SLC35D4: variants seen among roughly 807,000 people sequenced by gnomAD.
SLC35D4 encodes UDP-N-acetylglucosamine transporter SLC35D4.
At chr18:23,382,015 G>A in the SLC35D4 span, among the ~76,000 whole-genome samples, 8 of 152,082 alleles carry the variant, frequency 5.3e-5, no homozygotes, top group African/African-American at 1.9e-4. Context: ...TGAGGTGGGC[G>A]GATCATGAGG....
chr18:23,273,667 CACTT>C, the SLC35D4 span, among the ~76,000 whole-genome samples: 1 of 152,122 alleles, frequency 6.6e-6, no homozygotes, highest in Non-Finnish European at 1.5e-5. Flanking sequence ...ATTCCACACT[CACTT>C]AGATATGGAA....
the SLC35D4 span, among the ~76,000 whole-genome samples, chr18:23,375,663 G>A: frequency 6.6e-6 from 1 of 152,106 alleles, no homozygotes; most frequent in African/African-American, 2.4e-5. Flanking sequence ...CAGTGGGTGG[G>A]GCCAGAAGCT....
At chr18:23,318,647 G>A in the SLC35D4 span, among the ~76,000 whole-genome samples, 1 of 152,158 alleles carries the variant, frequency 6.6e-6, no homozygotes, top group Non-Finnish European at 1.5e-5. Context: ...TCCAAATTAT[G>A]TACTACTGCC....
chr18:23,353,207 T>C, the SLC35D4 span, among the ~76,000 whole-genome samples: 5 of 151,642 alleles, frequency 3.3e-5, no homozygotes, highest in African/African-American at 1.2e-4. Context: ...AACTTGAAAA[T>C]TGCAAAGTAA....
At chr18:23,312,123 C>A in the SLC35D4 span, among the ~76,000 whole-genome samples, 5 of 152,204 alleles carry the variant, frequency 3.3e-5, no homozygotes, top group Admixed American at 2.6e-4. Context: ...ATTGGCTTCT[C>A]TCCTTGTTCT....
chr18:23,375,057 G>C, the SLC35D4 span, among the ~76,000 whole-genome samples: 1 of 151,664 alleles, frequency 6.6e-6, no homozygotes, highest in East Asian at 1.9e-4. Flanking sequence ...AGAGGTTTCA[G>C]TGAGCCAAGA....
the SLC35D4 span, among the ~76,000 whole-genome samples, chr18:23,357,235 C>A: frequency 6.6e-6 from 1 of 151,918 alleles, no homozygotes; most frequent in African/African-American, 2.4e-5. Context: ...ACTGCAAGAA[C>A]AGCACGGGGG....
At chr18:23,265,030 T>A in the SLC35D4 span, among the ~76,000 whole-genome samples, 1 of 138,610 alleles carries the variant, frequency 7.2e-6, no homozygotes, top group Non-Finnish European at 1.5e-5. Context: ...TCCACCCCCA[T>A]GACCCAAACA....
the SLC35D4 span, among the ~76,000 whole-genome samples, chr18:23,431,634 C>A: frequency 6.6e-6 from 1 of 151,896 alleles, no homozygotes; most frequent in South Asian, 2.1e-4. Flanking sequence ...TTTTTCAAAC[C>A]AATTCTGCAT....
chr18:23,245,045 A>G, the SLC35D4 span, among the ~76,000 whole-genome samples: 1 of 152,108 alleles, frequency 6.6e-6, no homozygotes, highest in African/African-American at 2.4e-5. Context: ...GTTCTCCAGG[A>G]TTGTTTTTGA....
the SLC35D4 span, among the ~76,000 whole-genome samples, chr18:23,312,092 C>T: frequency 0.06 from 9,204 of 152,240 alleles, 392 homozygotes; most frequent in Non-Finnish European, 0.09. Context: ...TGTTTTTACC[C>T]GCTGTTCAAG....
At chr18:23,435,781 C>G in the SLC35D4 span, among the ~76,000 whole-genome samples, 3 of 152,208 alleles carry the variant, frequency 2.0e-5, no homozygotes, top group Non-Finnish European at 2.9e-5. Context: ...CTGCAACCTC[C>G]GCCTCCCTGG....
the SLC35D4 span, among the ~76,000 whole-genome samples, chr18:23,345,073 A>G: frequency 1.3e-5 from 2 of 152,166 alleles, no homozygotes; most frequent in African/African-American, 4.8e-5. Flanking sequence ...CAGTTTTAGC[A>G]TTACATTCAG....
chr18:23,425,184 T>G, the SLC35D4 span, among the ~76,000 whole-genome samples: 1 of 152,176 alleles, frequency 6.6e-6, no homozygotes, highest in Non-Finnish European at 1.5e-5. Flanking sequence ...CATTGCAACC[T>G]CCACTTCCTG....
At chr18:23,371,003 A>G in the SLC35D4 span, among the ~76,000 whole-genome samples, 27 of 152,254 alleles carry the variant, frequency 1.8e-4, no homozygotes, top group Non-Finnish European at 2.6e-4. Context: ...AAGGTCACCA[A>G]AAAGTGGGTA....
chr18:23,262,839 A>C, the SLC35D4 span, among the ~76,000 whole-genome samples: 1 of 152,244 alleles, frequency 6.6e-6, no homozygotes, highest in Admixed American at 6.5e-5. Context: ...ACCAGAACTG[A>C]CAAGTTAGAT....
chr18:23,257,525 G>C, the SLC35D4 span: 1 of 777,036 alleles, frequency 1.3e-6, no homozygotes, highest in African/African-American at 1.8e-5. Flanking sequence ...TTTCCAAGGA[G>C]TCTTGGGTGT....
chr18:23,274,125 A>C, the SLC35D4 span, among the ~76,000 whole-genome samples: 6 of 152,082 alleles, frequency 3.9e-5, no homozygotes. Flanking sequence ...TTGTAGAGAC[A>C]GGGTCTCACT....
At chr18:23,289,745 CA>C in the SLC35D4 span, among the ~76,000 whole-genome samples, 2 of 152,106 alleles carry the variant, frequency 1.3e-5, no homozygotes, top group Admixed American at 1.3e-4. Flanking sequence ...CATTCCACCA[CA>C]AAAGAAGTGA....
Sources: allele counts gnomAD v4.1 joint callset (sites outside exome capture counted in the v4.1 genomes callset), GRCh38; gene constraint gnomAD v4.1.1; transcripts MANE v1.5; gene names NCBI Gene and HGNC (gene_info 2026-07-23, HGNC 2026-07-21).